MTFMT: variants seen among roughly 807,000 people sequenced by gnomAD.
MTFMT encodes methionyl-tRNA formyltransferase, mitochondrial.
In MTFMT, 47 loss-of-function variants were observed where a neutral mutation model predicts 51.8. The observed-to-expected ratio is 0.91, with a 90% confidence interval of 0.72 to 1.16. MTFMT has a LOEUF of 1.16. Ranked by LOEUF, MTFMT falls within the 50% of genes most tolerant of loss-of-function variation. MTFMT has a pLI of 0.00. For synonymous variants in MTFMT, 196 were observed against 176.7 expected (o/e 1.11, Z -0.87); for missense variants, 512 against 482.3 (o/e 1.06, Z -0.58).
At chr15:65,004,586 T>C (rs558278063) in intron 8 of MTFMT, among the ~76,000 whole-genome samples, 11 of 152,296 alleles carry the variant, frequency 7.2e-5, no homozygotes, top group African/African-American at 9.6e-5. Flanking sequence ...GTTAATTAAA[T>C]TGGGCTACTG....
intron 4 of MTFMT, 143 bp from the exon 5 acceptor site, chr15:65,020,415 T>C (rs2086364470): frequency 9.8e-6 from 7 of 716,640 alleles, no homozygotes; most frequent in Non-Finnish European, 1.6e-5. Flanking sequence ...ATCTTTACTA[T>C]TGGCTCTTCA....
intron 6 of MTFMT, among the ~76,000 whole-genome samples, chr15:65,014,775 A>G (rs1232070920): frequency 6.6e-6 from 1 of 150,848 alleles, no homozygotes; most frequent in Non-Finnish European, 1.5e-5. Context: ...TTACAGGCGC[A>G]TGCCACCACG....
At chr15:65,020,368 A>C in intron 4 of MTFMT, 96 bp from the exon 5 acceptor site, 2 of 1,036,588 alleles carry the variant, frequency 1.9e-6, no homozygotes, top group Non-Finnish European at 2.8e-6. Flanking sequence ...ATAACCTATA[A>C]CTTTTTTTCT....
chr15:65,024,031 T>A (rs2086398564), intron 2 of MTFMT, among the ~76,000 whole-genome samples: 1 of 152,190 alleles, frequency 6.6e-6, no homozygotes, highest in African/African-American at 2.4e-5. Flanking sequence ...TATTTGCTGT[T>A]CTAAAGATGT....
At chr15:65,018,517 G>A (rs2086343155) in intron 5 of MTFMT, among the ~76,000 whole-genome samples, 2 of 152,130 alleles carry the variant, frequency 1.3e-5, no homozygotes, top group South Asian at 4.1e-4. Context: ...ATAACTTCTA[G>A]TTTAGTCCAC....
At chr15:65,025,048 G>C (rs1405340694) in intron 2 of MTFMT, among the ~76,000 whole-genome samples, 1 of 152,122 alleles carries the variant, frequency 6.6e-6, no homozygotes, top group Non-Finnish European at 1.5e-5. Flanking sequence ...GAGTAAGACA[G>C]AAAATTACCA....
At chr15:65,004,105 T>C (rs2086202328) in intron 8 of MTFMT, among the ~76,000 whole-genome samples, 1 of 151,764 alleles carries the variant, frequency 6.6e-6, no homozygotes, top group African/African-American at 2.4e-5. Flanking sequence ...CAACCTCCGC[T>C]TCCCGGGCTC....
intron 3 of MTFMT, among the ~76,000 whole-genome samples, chr15:65,023,233 A>G (rs1327255611): frequency 1.3e-5 from 2 of 152,236 alleles, no homozygotes; most frequent in African/African-American, 4.8e-5. Flanking sequence ...TATAGGTATG[A>G]CAGGAAAAAA....
chr15:65,006,346 C>T (rs1200855915), intron 6 of MTFMT, among the ~76,000 whole-genome samples, 155 bp from the exon 7 acceptor site: 2 of 151,400 alleles, frequency 1.3e-5, no homozygotes, highest in African/African-American at 2.4e-5. Flanking sequence ...AAACATGACT[C>T]TCTACATCAG....
In MTFMT at chr15:65,016,434, A is replaced by G; in HGVS notation, c.813+2T>C. The G allele has an allele frequency of 1.3e-6, 2 of 1,591,714 alleles. No individual in the cohort carries two copies. The highest frequency in any genetic ancestry group is 1.7e-6 in the Non-Finnish European group (2 of 1,164,522). ...GAACTGCAACCTGACTTCCCAACTT[A>G]CTATATTTCCAATGGCACGGTAAAG... On this transcript the variant is annotated splice_donor_variant, in intron 6 of 8. Transcript: ENST00000220058. LOFTEE classifies it high-confidence loss of function.
At chr15:65,019,836 T>C (rs371466594) in intron 5 of MTFMT, among the ~76,000 whole-genome samples, 8 of 152,336 alleles carry the variant, frequency 5.3e-5, no homozygotes, top group South Asian at 2.1e-4. Context: ...TGAAAGATCA[T>C]GATTCATACT....
rs2086209297 is a variant in MTFMT at position 65,004,916 on chromosome 15, C to T, written c.913G>A (p.Ala305Thr). The change falls in exon 8 of 9, where the codon GCT becomes ACT. Residue 305 changes from alanine (A) to threonine (T), a missense_variant. By Grantham distance (58) the Ala-to-Thr change is moderately conservative (BLOSUM62 0). Transcript: ENST00000220058. ...TATATTACTGATCCTGGAATAAGAG[C>T]CTGTCCCGTTAATTTTGGATCTGAA... Reference protein sequence around the residue: ...VLADPKLTGQALIPGSVIYHK... With the variant: ...VLADPKLTGQTLIPGSVIYHK... 6.2e-7 allele frequency: 1 copy of T among 1,611,724 alleles called. No individual in the cohort carries two copies.
chr15:65,018,968 G>A (rs1703990978), intron 5 of MTFMT, among the ~76,000 whole-genome samples: 1 of 152,128 alleles, frequency 6.6e-6, no homozygotes, highest in African/African-American at 2.4e-5. Flanking sequence ...CTTCTTTCCA[G>A]AACAATACCA....
In MTFMT at chr15:65,020,247, G is replaced by C; in HGVS notation, c.671C>G (p.Pro224Arg). 2 of 1,609,650 alleles carry C rather than the reference G, an allele frequency of 1.2e-6. No individual in the cohort carries two copies. Among genetic ancestry groups the C allele is most frequent in the Non-Finnish European group, 1.7e-6 (2 of 1,178,924 alleles). The change falls in exon 5 of 9, where the codon CCT becomes CGT. Residue 224 changes from proline to arginine, a missense_variant. By Grantham distance (103) the Pro-to-Arg change is moderately radical. Transcript: ENST00000220058. ...CTGCCTTCCATTGCTCAGACTTTCA[G>C]GCAAATTTTTCAAAACTGAAATGAG... The part of the protein sequence containing the change: ...NMLISVLKNL[P>R]ESLSNGRQQP...
At position 65,012,319 on chromosome 15, in the gene MTFMT, T is replaced by TAATAAA. The variant is rs1555403219; in HGVS notation, c.813+4111_813+4116dup. Among the ~76,000 whole-genome samples, 257 of 142,924 alleles carry TAATAAA rather than the reference T, an allele frequency of 1.8e-3. 1 individual carries two copies. The highest frequency in any genetic ancestry group is 4.8e-3 in the African/African-American group (188 of 39,450). 93.8% of individuals were successfully genotyped at this position (142,924 alleles called of 152,430 possible). On this transcript the variant is annotated intron_variant, in intron 6 of 8. Transcript: ENST00000220058. ...ACTTAAAGTATAATAATAATAATAA[T>TAATAAA]AATAAAAAGAACTATCTTTTGGGAA...
At chr15:65,009,271 T>C (rs1309260103) in intron 6 of MTFMT, among the ~76,000 whole-genome samples, 4 of 152,224 alleles carry the variant, frequency 2.6e-5, no homozygotes, top group Non-Finnish European at 2.9e-5. Flanking sequence ...TAGTAAGTTA[T>C]AGGTGCCAAG....
chr15:65,016,502 A>G lies in MTFMT; in HGVS notation c.747T>C (p.Ser249=), dbSNP rs1477794472. 1 of 1,612,232 alleles carries G rather than the reference A, an allele frequency of 6.2e-7. No individual in the cohort carries two copies. The highest frequency in any genetic ancestry group is 8.5e-7 in the Non-Finnish European group (1 of 1,178,680). ...TYAPKISAGT[S]CIKWEEQTSE... ...AAGTTTGTTCCTCCCATTTTATACA[A>G]CTGGTACCAGCAGAAATCTTAGGGG... The change falls in exon 6 of 9, where the codon AGT becomes AGC. Residue 249 remains serine (S), a synonymous_variant. Transcript: ENST00000220058.
At chr15:65,011,662 A>C (rs555758833) in intron 6 of MTFMT, among the ~76,000 whole-genome samples, 1 of 151,470 alleles carries the variant, frequency 6.6e-6, no homozygotes, top group Non-Finnish European at 1.5e-5. Flanking sequence ...ATGCCCAGCT[A>C]ATTTTTTACT....
chr15:65,004,482 T>C (rs1422179142), intron 8 of MTFMT, among the ~76,000 whole-genome samples: 1 of 152,240 alleles, frequency 6.6e-6, no homozygotes, highest in Non-Finnish European at 1.5e-5. Flanking sequence ...TTACTACTGT[T>C]AAGCAGTAAA....
Sources: allele counts gnomAD v4.1 joint callset (sites outside exome capture counted in the v4.1 genomes callset), GRCh38; gene constraint gnomAD v4.1.1; transcripts MANE v1.5; gene names NCBI Gene and HGNC (gene_info 2026-07-23, HGNC 2026-07-21).